NRG4: variants seen among roughly 807,000 people sequenced by gnomAD.
NRG4 encodes the protein pro-neuregulin-4, membrane-bound isoform.
A neutral mutation model predicts 15.0 loss-of-function variants in NRG4; 10 were observed. The ratio of observed to expected loss-of-function variants is 0.67; its 90% CI spans 0.41 to 1.13. The LOEUF is 1.13. Among genes scored for constraint, NRG4 ranks in the 50% most tolerant of loss-of-function variants. The pLI, the probability that NRG4 is intolerant of heterozygous loss-of-function variation, is 0.00. For synonymous variants in NRG4, 41 were observed against 50.1 expected (o/e 0.82, Z 0.77); for missense variants, 139 against 140.2 (o/e 0.99, Z 0.04).
At chr15:76,034,855 C>T (rs1012407508) in intron 5 of NRG4, among the ~76,000 whole-genome samples, 1 of 152,168 alleles carries the variant, frequency 6.6e-6, no homozygotes, top group Non-Finnish European at 1.5e-5. Context: ...CACCACTGCG[C>T]GTTCAATGCT....
chr15:76,024,430 G>A (rs143812910), intron 5 of NRG4, among the ~76,000 whole-genome samples: 1 of 152,308 alleles, frequency 6.6e-6, no homozygotes, highest in African/African-American at 2.4e-5. Context: ...TAGAAGCCAT[G>A]CATCTGCATC....
chr15:75,972,445 A>T (rs1042311301), intron 3 of NRG4, among the ~76,000 whole-genome samples: 2 of 152,220 alleles, frequency 1.3e-5, no homozygotes, highest in African/African-American at 2.4e-5. Context: ...GTCTTTGCCC[A>T]TGCTTACATC....
At chr15:75,997,301 C>T (rs992287516) in intron 3 of NRG4, among the ~76,000 whole-genome samples, 4 of 152,010 alleles carry the variant, frequency 2.6e-5, no homozygotes, top group African/African-American at 9.7e-5. Context: ...AGATATTCTT[C>T]ATAGAATTTC....
chr15:75,960,916 CTATT>C (rs2032483914), intron 4 of NRG4, among the ~76,000 whole-genome samples: 2 of 152,098 alleles, frequency 1.3e-5, no homozygotes, highest in Admixed American at 6.6e-5. Context: ...TTGGAATAAA[CTATT>C]TAATACCACA....
chr15:76,007,353 A>G lies in NRG4; in HGVS notation c.104+1847T>C, dbSNP rs1195903163. ...GCAAAGGCAATTCAATGGAGAAAGG[A>G]TAGTCTTTATACCCATGCAGCCATC... On this transcript the variant is annotated intron_variant, in intron 3 of 5. Coordinates refer to ENST00000394907, the MANE Select transcript of NRG4 (RefSeq NM_138573.4). Among the ~76,000 whole-genome samples, 4 of 152,092 alleles carry G rather than the reference A, an allele frequency of 2.6e-5. 1 individual carries two copies. The highest frequency in any genetic ancestry group is 4.8e-5 in the African/African-American group (2 of 41,406).
intron 3 of NRG4, among the ~76,000 whole-genome samples, chr15:75,987,345 G>A (rs1008479995): frequency 1.4e-4 from 22 of 152,184 alleles, no homozygotes; most frequent in African/African-American, 5.3e-4. Flanking sequence ...TAATTGGTAT[G>A]AACCAGCAAC....
chr15:76,042,802 T>A (rs538761041), intron 4 of NRG4, among the ~76,000 whole-genome samples: 1 of 152,080 alleles, frequency 6.6e-6, no homozygotes, highest in South Asian at 2.1e-4. Flanking sequence ...TCCAAGCTCA[T>A]TCTACAAGGT....
chr15:75,940,828 CA>C (rs2030881546), downstream of NRG4: 2 of 152,004 alleles, frequency 1.3e-5, no homozygotes, highest in African/African-American at 4.8e-5. Flanking sequence ...AAAATTAACT[CA>C]AAATGGACCA....
rs184970100 is a variant in NRG4 at position 76,005,521 on chromosome 15, A to G, written c.104+3679T>C. On this transcript the variant is annotated intron_variant, in intron 3 of 5. Coordinates refer to ENST00000394907, the MANE Select transcript of NRG4 (RefSeq NM_138573.4). ...GCTAAAATGGCGAAACCCCGCCTGTACTAAAAACACAAAATTTAGCTGGGT... is the reference window on the plus strand; with the variant it reads ...GCTAAAATGGCGAAACCCCGCCTGTGCTAAAAACACAAAATTTAGCTGGGT... Among the ~76,000 whole-genome samples the G allele has an allele frequency of 2.9e-3, 448 of 151,872 alleles. 4 individuals are homozygous for G. The highest frequency in any genetic ancestry group is 5.0e-3 in the Non-Finnish European group (340 of 67,930).
intron 3 of NRG4, among the ~76,000 whole-genome samples, chr15:75,985,226 T>C (rs1473549): frequency 0.99 from 150,041 of 152,294 alleles, 73,944 homozygotes; most frequent in East Asian, 1. Context: ...ATGGACTCAA[T>C]ACATAGTTTT....
At chr15:75,976,509 G>A (rs894540710) in intron 3 of NRG4, among the ~76,000 whole-genome samples, 3 of 152,032 alleles carry the variant, frequency 2.0e-5, no homozygotes, top group Admixed American at 6.5e-5. Flanking sequence ...GTTGACCTTC[G>A]GCTGGGGTTT....
chr15:76,052,093 T>C (rs1408244811), exon 4 of NRG4: 1 of 151,120 alleles, frequency 6.6e-6, no homozygotes, highest in African/African-American at 2.5e-5. Context: ...TGAAAATTTT[T>C]CCTCTAAATT....
chr15:75,973,057 T>G (rs1156927486), intron 3 of NRG4, among the ~76,000 whole-genome samples: 2 of 152,194 alleles, frequency 1.3e-5, no homozygotes, highest in Non-Finnish European at 2.9e-5. Flanking sequence ...TGAGCAGTGT[T>G]TTGTAGTACT....
At chr15:76,057,467 T>C (rs2036180043) in intron 1 of NRG4, among the ~76,000 whole-genome samples, 1 of 152,174 alleles carries the variant, frequency 6.6e-6, no homozygotes, top group Non-Finnish European at 1.5e-5. Flanking sequence ...GGGCTAATCC[T>C]CCTCCGGTGT....
intron 3 of NRG4, among the ~76,000 whole-genome samples, chr15:75,967,709 A>G (rs1352105653): frequency 2.0e-5 from 3 of 152,028 alleles, no homozygotes; most frequent in Non-Finnish European, 2.9e-5. Context: ...TGATCTGCCC[A>G]CCTCGGCATC....
intron 3 of NRG4, among the ~76,000 whole-genome samples, chr15:75,974,727 T>TA (rs1244976836): frequency 1.3e-5 from 2 of 152,230 alleles, no homozygotes; most frequent in Admixed American, 1.3e-4. Flanking sequence ...GAGAGACTGT[T>TA]ACGATTTTCA....
At chr15:76,009,095 C>T (rs2034712360) in intron 3 of NRG4, 105 bp downstream of exon 3, 1 of 727,122 alleles carries the variant, frequency 1.4e-6, no homozygotes, top group Non-Finnish European at 2.5e-6. Flanking sequence ...ATATGCCTCA[C>T]ATCTTTTCAT....
chr15:75,941,603 CCTT>C lies in NRG4; in HGVS notation c.*2032_*2034del, dbSNP rs1403002301. On this transcript the variant is annotated 3_prime_UTR_variant, in exon 6 of 6. Coordinates refer to ENST00000394907, the MANE Select transcript of NRG4 (RefSeq NM_138573.4). ...TATTATTCAGCCATAAAAAGGAAATCCTTCTACATACTACATCATGGATGAACC... is the reference window on the plus strand; with the variant it reads ...TATTATTCAGCCATAAAAAGGAAATCCTACATACTACATCATGGATGAACC... 2.0e-5 allele frequency: 3 copies of C among 152,074 alleles called. No individual in the cohort carries two copies. The highest frequency in any genetic ancestry group is 2.9e-5 in the Non-Finnish European group (2 of 67,970). The allele number at this position is 152,074 out of a possible 1,614,324, so 9.4% of individuals were successfully genotyped here.
chr15:75,979,371 G>T (rs1360056866), intron 3 of NRG4, among the ~76,000 whole-genome samples: 1 of 152,100 alleles, frequency 6.6e-6, no homozygotes, highest in Non-Finnish European at 1.5e-5. Context: ...CCAATCCATT[G>T]GGTGGATTTT....
Sources: allele counts gnomAD v4.1 joint callset (sites outside exome capture counted in the v4.1 genomes callset), GRCh38; gene constraint gnomAD v4.1.1; transcripts MANE v1.5; gene names NCBI Gene and HGNC (gene_info 2026-07-23, HGNC 2026-07-21).